The following PLXNB3 variants were observed in gnomAD, a reference collection of about 807,000 sequenced individuals.
PLXNB3 encodes the protein plexin B3, also known as plexin-B3.
PLXNB3 carries 80 observed loss-of-function variants against 125.7 expected under a neutral mutation model. The ratio of observed to expected loss-of-function variants is 0.64; its 90% CI spans 0.53 to 0.77. PLXNB3 has a LOEUF of 0.77. Ranked by LOEUF, PLXNB3 falls within the 30% of genes least tolerant of loss-of-function variation. PLXNB3 has a pLI of 0.00. For missense variants in PLXNB3, 1,836 were observed against 1,729.3 expected (o/e 1.06, Z -1.09); for synonymous variants, 954 against 783.3 (o/e 1.22, Z -3.64).
Position 153,779,166 on chromosome X carries a change from GC to G in PLXNB3, c.*130del. On this transcript the variant is annotated 3_prime_UTR_variant, in exon 36 of 36. Transcript: ENST00000361971. ...CACAGGGTGCAAAGCCAGGCACTGTGCCCAGCAGTGGGCTCCCTGCCTGCCA... is the reference window on the plus strand; with the variant it reads ...CACAGGGTGCAAAGCCAGGCACTGTGCCAGCAGTGGGCTCCCTGCCTGCCA... 1 of 410,922 alleles carries G rather than the reference GC, an allele frequency of 2.4e-6. No homozygotes were observed. The highest frequency in any genetic ancestry group is 4.0e-6 in the Non-Finnish European group (1 of 251,855). 33.9% of individuals were successfully genotyped at this position (410,922 alleles called of 1,213,427 possible). A position where few individuals can be genotyped will look rare whatever the true frequency, so the allele number is the denominator to read the frequency against.
At chrX:153,766,343 T>A (rs1557059183) in intron 2 of PLXNB3, 1 of 1,141,215 alleles carries the variant, frequency 8.8e-7, no homozygotes, top group Non-Finnish European at 1.2e-6. Context: ...TCTCTCCCTG[T>A]CTGGTCCCTT....
In PLXNB3 at chrX:153,768,293, C is replaced by A. The variant is rs2148415159; in HGVS notation, c.1131C>A (p.Ser377Arg). Reference protein sequence around the residue: ...SYPCGDEHTPSPIAGRQPLEV... With the variant: ...SYPCGDEHTPRPIAGRQPLEV... ...CCTGTGGCGACGAGCACACCCCCAG[C>A]CCCATTGCTGGCCGCCAGCCCCTGG... The change falls in exon 4 of 36, where the codon AGC (serine) becomes AGA (arginine). Residue 377 changes from serine to arginine, a missense_variant. Ser to Arg is a moderately radical substitution (Grantham distance 110, BLOSUM62 -1). Transcript: ENST00000361971. The A allele has an allele frequency of 8.3e-7, 1 of 1,207,389 alleles. No homozygotes were observed. Among genetic ancestry groups the A allele is most frequent in the Non-Finnish European group, 1.1e-6 (1 of 892,282 alleles).
In PLXNB3 at chrX:153,770,622, A is replaced by G; in HGVS notation, c.1990A>G (p.Thr664Ala). Residue 664 changes from threonine to alanine, a missense_variant, in exon 10 of 36, where the codon ACC (threonine) becomes GCC (alanine). Coordinates refer to ENST00000361971, the MANE Select transcript of PLXNB3 (RefSeq NM_005393.3). Reference protein sequence around the residue: ...YGEHCPEGERTIYSAQEVDIQ... With the variant: ...YGEHCPEGERAIYSAQEVDIQ... Reference sequence around the variant, plus strand: ...AGAGCACTGCCCAGAGGGCGAGAGGACCATCTACAGCGCCCAGGAGGTGGG... The same window carrying G: ...AGAGCACTGCCCAGAGGGCGAGAGGGCCATCTACAGCGCCCAGGAGGTGGG... 1 of 1,210,565 alleles carries G rather than the reference A, an allele frequency of 8.3e-7. No individual in the cohort carries two copies. Among genetic ancestry groups the G allele is most frequent in the Non-Finnish European group, 1.1e-6 (1 of 894,875 alleles).
chrX:153,767,323 G>A lies in PLXNB3; in HGVS notation c.496G>A (p.Ala166Thr). ...EDPGDGQFVA[A>T]NTPGVATVGL... ...CCCTGGTGACGGGCAGTTTGTGGCT[G>A]CCAATACCCCGGGAGTGGCAACGGT... Residue 166 changes from alanine (A) to threonine (T), a missense_variant, in exon 3 of 36, where the codon GCC (alanine) becomes ACC (threonine). Coordinates refer to ENST00000361971, the MANE Select transcript of PLXNB3 (RefSeq NM_005393.3). 8.3e-7 allele frequency: 1 copy of A among 1,205,277 alleles called. No individual in the cohort carries two copies. The highest frequency in any genetic ancestry group is 1.7e-5 in the African/African-American group (1 of 57,905).
intron 19 of PLXNB3, 22 bp downstream of exon 19, chrX:153,773,735 G>A (rs781899788): frequency 6.0e-5 from 70 of 1,169,801 alleles, no homozygotes; most frequent in South Asian, 4.8e-4. Flanking sequence ...ACCAGCAGGC[G>A]ACAAGGCTGT....
chrX:153,778,292 G>A lies in PLXNB3; in HGVS notation c.5441G>A (p.Arg1814Gln), dbSNP rs369580403. The part of the protein sequence containing the change: ...DSPVNKLLYA[R>Q]EIPRYKQMVE... ...CCAGTGAACAAACTGCTCTACGCCC[G>A]GGAGATCCCACGCTACAAGCAGATG... is the stretch of plus-strand genomic sequence containing the variant. Residue 1814 changes from arginine to glutamine, a missense_variant, in exon 33 of 36, where the codon CGG becomes CAG. By Grantham distance (43) the Arg-to-Gln change is conservative. Coordinates refer to ENST00000361971, the MANE Select transcript of PLXNB3 (RefSeq NM_005393.3). 1.0e-5 allele frequency: 12 copies of A among 1,199,190 alleles called. No individual in the cohort carries two copies. The highest frequency in any genetic ancestry group is 1.8e-5 in the African/African-American group (1 of 56,936).
chrX:153,776,722 GGCGGGGC>G, intron 28 of PLXNB3, among the ~76,000 whole-genome samples, 158 bp from the exon 29 acceptor site: 1 of 62,562 alleles, frequency 1.6e-5, no homozygotes, highest in Admixed American at 1.9e-4. Flanking sequence ...TGGGGGGCGG[GGCGGGGC>G]GAGGCAAGGC....
At position 153,776,633 on chromosome X, in the gene PLXNB3, C is replaced by T. The variant is rs868979540; in HGVS notation, c.4833+174C>T. Among the ~76,000 whole-genome samples the T allele has an allele frequency of 0.014, 476 of 33,797 alleles. 74 individuals carry two copies. The highest frequency in any genetic ancestry group is 0.078 in the African/African-American group (450 of 5,780). The allele number at this position is 33,797 out of a possible 115,157, so 29.3% of individuals were successfully genotyped here. On this transcript the variant is annotated intron_variant, in intron 28 of 35. Transcript: ENST00000361971. ...TGGGGTGGGGAGGGGCGAGGCAGAG[C>T]AGGGCAGGGCTGGGGCGGGGCGAGG...
chrX:153,769,752 GTCAT>G, intron 6 of PLXNB3, 51 bp from the exon 7 acceptor site: 1 of 1,142,926 alleles, frequency 8.7e-7, no homozygotes, highest in East Asian at 3.2e-5. Flanking sequence ...CCTGTTGCCG[GTCAT>G]CCTTGGAGTC....
Position 153,769,197 on chromosome X carries a change from C to T in PLXNB3, c.1431C>T (p.Phe477=), listed in dbSNP as rs2091894912. 1.7e-6 allele frequency: 2 copies of T among 1,183,865 alleles called. No individual in the cohort carries two copies. Among genetic ancestry groups the T allele is most frequent in the East Asian group, 3.1e-5 (1 of 32,096 alleles). ...DRIPVAACPQ[F]PDCASCLQAQ... The stretch of plus-strand genomic sequence containing the variant: ...TACCTGTGGCAGCCTGCCCCCAGTT[C>T]CCTGACTGTGCCAGCTGCCTCCAGG... Residue 477 remains phenylalanine (F), a synonymous_variant, in exon 6 of 36, where the codon TTC becomes TTT. Coordinates refer to ENST00000361971, the MANE Select transcript of PLXNB3 (RefSeq NM_005393.3).
chrX:153,766,140 C>T, intron 2 of PLXNB3: 2 of 1,099,521 alleles, frequency 1.8e-6, no homozygotes, highest in Non-Finnish European at 1.2e-6. Flanking sequence ...TGTCTCTTGA[C>T]ACCCCTGGCT....
intron 2 of PLXNB3, chrX:153,766,143 C>G: frequency 9.0e-7 from 1 of 1,106,769 alleles, no homozygotes; most frequent in Non-Finnish European, 1.2e-6. Flanking sequence ...CTCTTGACAC[C>G]CCTGGCTTCT....
intron 30 of PLXNB3, 37 bp downstream of exon 30, chrX:153,777,417 C>A: frequency 8.5e-7 from 1 of 1,181,886 alleles, no homozygotes; most frequent in Non-Finnish European, 1.1e-6. Context: ...TGAGAGGAGG[C>A]TCAGCCAGGG....
At position 153,774,179 on chromosome X, in the gene PLXNB3, G is replaced by A; in HGVS notation, c.3520-7G>A. The A allele has an allele frequency of 8.3e-7, 1 of 1,203,977 alleles. No individual in the cohort carries two copies. Among genetic ancestry groups the A allele is most frequent in the East Asian group, 3.0e-5 (1 of 33,778 alleles). On this transcript the variant is annotated splice_region_variant and splice_polypyrimidine_tract_variant and intron_variant, in intron 20 of 35. Transcript: ENST00000361971. ...GCCAGCGGCTTAGGCTCCCATGTGT[G>A]TCCCAGGGCGAGGGCCTCAACCTGG...
Position 153,769,820 on chromosome X carries a change from G to A in PLXNB3, c.1510G>A (p.Gly504Ser). ...CCTGCCTGGCAGGTGTACCCGGAAG[G>A]GCCAGTGCGGGCGGGCAGGCCAGCT... ...CVLQGRCTRK[G>S]QCGRAGQLNQ... Residue 504 changes from glycine to serine, a missense_variant, in exon 7 of 36, where the codon GGC becomes AGC. Transcript: ENST00000361971. 1 of 1,203,459 alleles carries A rather than the reference G, an allele frequency of 8.3e-7. No homozygotes were observed. Among genetic ancestry groups the A allele is most frequent in the Non-Finnish European group, 1.1e-6 (1 of 892,470 alleles).
chrX:153,772,018 G>A lies in PLXNB3; in HGVS notation c.2669+3G>A, dbSNP rs782697506. 4.6e-5 allele frequency: 55 copies of A among 1,183,854 alleles called. No individual in the cohort carries two copies. The highest frequency in any genetic ancestry group is 6.1e-5 in the Non-Finnish European group (54 of 880,121). On this transcript the variant is annotated splice_donor_region_variant and intron_variant, in intron 15 of 35. Transcript: ENST00000361971. ...TCTCTCTACCGCACGTCGGCCCGGT[G>A]AGGCACTTGGAGGGTGAAGATGGGT... is the stretch of plus-strand genomic sequence containing the variant.
At position 153,774,501 on chromosome X, in the gene PLXNB3, G is replaced by A; in HGVS notation, c.3760G>A (p.Ala1254Thr). 2.5e-6 allele frequency: 3 copies of A among 1,207,702 alleles called. No homozygotes were observed. Among genetic ancestry groups the A allele is most frequent in the Non-Finnish European group, 2.2e-6 (2 of 893,864 alleles). ...CCCGCTGTCTGCCTTTCCCGTGGAG[G>A]CCCAGGCAGGCGTGGGCATGGGTGC... is the stretch of plus-strand genomic sequence containing the variant. ...EPPLSAFPVE[A>T]QAGVGMGAAV... Residue 1254 changes from alanine (A) to threonine (T), a missense_variant, in exon 22 of 36, where the codon GCC (alanine) becomes ACC (threonine). By Grantham distance (58) the Ala-to-Thr change is moderately conservative. Coordinates refer to ENST00000361971, the MANE Select transcript of PLXNB3 (RefSeq NM_005393.3).
rs782477518 is a variant in PLXNB3, at chrX:153,769,878, G to C, written c.1568G>C (p.Ser523Thr). The C allele has an allele frequency of 4.1e-6, 5 of 1,206,756 alleles. No individual in the cohort carries two copies. Among genetic ancestry groups the C allele is most frequent in the Non-Finnish European group, 5.6e-6 (5 of 894,057 alleles). The stretch of plus-strand genomic sequence containing the variant: ...TGGCTGTGGAGTTATGAGGAGGACA[G>C]CCACTGCCTGCACATCCAGAGCCTG... ...NQWLWSYEED[S>T]HCLHIQSLLP... Residue 523 changes from serine (S) to threonine (T), a missense_variant, in exon 7 of 36, where the codon AGC becomes ACC. Transcript: ENST00000361971.
rs1557062237 is a variant in PLXNB3 at position 153,772,204 on chromosome X, GC to G, written c.2697del (p.Asn900MetfsTer31). ...SARIVCVTSP[A>X]PNGTTGPVRV... ...CAGGATTGTGTGTGTGACATCTCCT[GC>G]CCCCAATGGCACCACTGGGCCCGTC... On this transcript the variant is annotated frameshift_variant, in exon 16 of 36. Transcript: ENST00000361971. LOFTEE classifies it high-confidence loss of function. 8.3e-7 allele frequency: 1 copy of G among 1,207,279 alleles called. No individual in the cohort carries two copies. Among genetic ancestry groups the G allele is most frequent in the Non-Finnish European group, 1.1e-6 (1 of 893,805 alleles).
Sources: gnomAD v4.1 joint callset for allele counts (sites outside exome capture counted in the v4.1 genomes callset) on GRCh38, gnomAD v4.1.1 for gene constraint, MANE v1.5 for transcripts, NCBI Gene and HGNC (gene_info 2026-07-23, HGNC 2026-07-21) for gene names.